The following IFT122 variants were observed in gnomAD, a reference collection of about 807,000 sequenced individuals.
IFT122 encodes the protein intraflagellar transport 122.
A neutral mutation model predicts 161.6 loss-of-function variants in IFT122; 118 were observed. The ratio of observed to expected loss-of-function variants is 0.73; its 90% confidence interval spans 0.63 to 0.85. The LOEUF is 0.85. IFT122 is among the 40% of genes least tolerant of loss of function. The pLI is 0.00. For missense variants in IFT122, 1,381 were observed against 1,579.6 expected, an observed-to-expected ratio of 0.87 and a Z score of 2.13; for synonymous variants, 550 against 602.4, an observed-to-expected ratio of 0.91 and a Z score of 1.27.
chr3:129,447,657 C>T (rs574276430), intron 1 of IFT122, among the ~76,000 whole-genome samples: 4 of 152,236 alleles, frequency 2.6e-5, no homozygotes, highest in South Asian at 4.1e-4. Flanking sequence ...GGATTACAGG[C>T]GCCCGCCACC....
chr3:129,511,777 A>T (rs566614366), intron 23 of IFT122, among the ~76,000 whole-genome samples: 1 of 152,202 alleles, frequency 6.6e-6, no homozygotes, highest in Non-Finnish European at 1.5e-5. Flanking sequence ...GTGGCACATC[A>T]GTCAAGCTGC....
chr3:129,519,427 A>C, intron 28 of IFT122, 141 bp from the exon 29 acceptor site: 14 of 1,203,216 alleles, frequency 1.2e-5, no homozygotes, highest in Non-Finnish European at 1.7e-5. Context: ...TGGTGGGAGG[A>C]GCTTGCCACT....
At chr3:129,514,301 T>A (rs1166218283) in intron 24 of IFT122, 88 bp from the exon 25 acceptor site, 13 of 1,448,732 alleles carry the variant, frequency 9.0e-6, no homozygotes, top group South Asian at 2.4e-5. Flanking sequence ...ACAAGCTGTG[T>A]TCCAGCCTGG....
At chr3:129,442,510 C>A (rs1190564506) in intron 1 of IFT122, among the ~76,000 whole-genome samples, 1 of 151,768 alleles carries the variant, frequency 6.6e-6, no homozygotes, top group Non-Finnish European at 1.5e-5. Context: ...GTTCTATAGA[C>A]CATCAATCCT....
Position 129,464,643 on chromosome 3 carries a change from A to G in IFT122, c.425A>G (p.Asn142Ser). 2.5e-6 allele frequency: 4 copies of G among 1,594,352 alleles called. No individual in the cohort carries two copies. Among genetic ancestry groups the G allele is most frequent in the Non-Finnish European group, 3.4e-6 (4 of 1,168,530 alleles). The change falls in exon 7 of 30, where the codon AAT becomes AGT. Residue 142 changes from asparagine to serine, a missense_variant. Asn to Ser is a conservative substitution (Grantham distance 46). Transcript: ENST00000348417. The part of the protein sequence containing the change: ...SSKIICCSWT[N>S]DGQYLALGMF... ...GTTGGTTGTGTACACAGCTGGACAA[A>G]TGATGGTCAGTACCTGGCGCTGGGG... is the stretch of plus-strand genomic sequence containing the variant.
intron 16 of IFT122, among the ~76,000 whole-genome samples, chr3:129,490,284 G>A (rs2079905608): frequency 1.3e-5 from 2 of 152,154 alleles, no homozygotes; most frequent in Non-Finnish European, 2.9e-5. Flanking sequence ...TCTAAATCCC[G>A]AGTACCCCAC....
At chr3:129,459,281 A>G (rs1464521456) in intron 4 of IFT122, 1 of 452,268 alleles carries the variant, frequency 2.2e-6, no homozygotes, top group South Asian at 1.6e-5. Flanking sequence ...TACTGCATCT[A>G]TTTTTTGTTT....
intron 19 of IFT122, among the ~76,000 whole-genome samples, chr3:129,502,011 C>T (rs1341387501): frequency 2.0e-5 from 3 of 152,140 alleles, no homozygotes; most frequent in Non-Finnish European, 4.4e-5. Context: ...AGAGAACAAG[C>T]GCATTCTATC....
At chr3:129,499,736 G>A (rs551754822) in intron 18 of IFT122, among the ~76,000 whole-genome samples, 166 bp from the exon 19 acceptor site, 7 of 152,278 alleles carry the variant, frequency 4.6e-5, no homozygotes, top group African/African-American at 9.6e-5. Flanking sequence ...CACTCTTCCC[G>A]AGACCTGGGA....
chr3:129,474,118 A>G (rs762445636), intron 9 of IFT122, among the ~76,000 whole-genome samples: 7 of 152,240 alleles, frequency 4.6e-5, no homozygotes, highest in Non-Finnish European at 8.8e-5. Context: ...TGAATGTATT[A>G]AACTTATAAT....
intron 25 of IFT122, 113 bp from the exon 26 acceptor site, chr3:129,515,375 C>A: frequency 1.2e-6 from 1 of 860,930 alleles, no homozygotes; most frequent in South Asian, 1.4e-5. Context: ...TGCCTGCCCA[C>A]CCGGGTGGCC....
At chr3:129,476,919 T>C (rs952723701) in intron 11 of IFT122, 118 bp downstream of exon 11, 10 of 1,263,228 alleles carry the variant, frequency 7.9e-6, no homozygotes, top group Non-Finnish European at 1.1e-5. Flanking sequence ...GCAAACCTGT[T>C]AGCCACTGGG....
intron 19 of IFT122, among the ~76,000 whole-genome samples, chr3:129,501,728 A>T (rs753594527): frequency 1.3e-5 from 2 of 152,208 alleles, no homozygotes; most frequent in African/African-American, 4.8e-5. Context: ...TCTTTCCTCC[A>T]GGGACGTTGG....
At chr3:129,514,221 A>G in intron 24 of IFT122, 168 bp from the exon 25 acceptor site, 3 of 753,014 alleles carry the variant, frequency 4.0e-6, no homozygotes, top group Non-Finnish European at 7.0e-6. Flanking sequence ...GCCATCCGAG[A>G]AGTACACTCA....
At chr3:129,468,407 G>A (rs772233400) in intron 8 of IFT122, among the ~76,000 whole-genome samples, 3 of 151,798 alleles carry the variant, frequency 2.0e-5, no homozygotes, top group Non-Finnish European at 4.4e-5. Context: ...GCAGTGGCAC[G>A]ATCTCGGCTC....
rs765993684 is a variant in IFT122, at chr3:129,463,646, T to C, written c.416+20T>C. 1 of 1,592,256 alleles carries C rather than the reference T, an allele frequency of 6.3e-7. No homozygotes were observed. The highest frequency in any genetic ancestry group is 1.7e-5 in the Admixed American group (1 of 59,988). On this transcript the variant is annotated intron_variant, in intron 6 of 29. Coordinates refer to ENST00000348417, the MANE Select transcript of IFT122 (RefSeq NM_052989.3). ...CTGCAGGTAAGTGCAGCTCTGACGA[T>C]AAGATTTATGTTCCTTCATCTTCCA... is the stretch of plus-strand genomic sequence containing the variant.
At chr3:129,449,958 C>T in intron 2 of IFT122, 21 bp downstream of exon 2, 1 of 1,548,786 alleles carries the variant, frequency 6.5e-7, no homozygotes, top group Non-Finnish European at 8.9e-7. Context: ...GTCTTAGTTT[C>T]CTCTTAAAGT....
intron 18 of IFT122, among the ~76,000 whole-genome samples, chr3:129,497,273 AAAT>A (rs2080977602): frequency 6.6e-6 from 1 of 152,192 alleles, no homozygotes; most frequent in Non-Finnish European, 1.5e-5. Context: ...TGTCAAAAAA[AAAT>A]AATAAAATGC....
In IFT122 at chr3:129,488,309, A is replaced by G; in HGVS notation, c.1904A>G (p.Gln635Arg). Residue 635 changes from glutamine to arginine, a missense_variant, in exon 16 of 30, where the codon CAG (glutamine) becomes CGG (arginine). Transcript: ENST00000348417. ...AGGAAACTGTTCAAGGAAGCCTACC[A>G]GATTGCTTGCTTGGGTGTCACAGAC... is the stretch of plus-strand genomic sequence containing the variant. ...LDRKLFKEAY[Q>R]IACLGVTDTD... 1 of 1,614,216 alleles carries G rather than the reference A, an allele frequency of 6.2e-7. No individual in the cohort carries two copies. The highest frequency in any genetic ancestry group is 8.5e-7 in the Non-Finnish European group (1 of 1,180,034).
Sources: gnomAD v4.1 joint callset for allele counts (sites outside exome capture counted in the v4.1 genomes callset) on GRCh38, gnomAD v4.1.1 for gene constraint, MANE v1.5 for transcripts, NCBI Gene and HGNC (gene_info 2026-07-23, HGNC 2026-07-21) for gene names.